Variants in GSG1L observed in about 807,000 individuals in gnomAD.
GSG1L encodes the protein germ cell-specific gene 1-like protein.
A neutral mutation model predicts 42.1 loss-of-function variants in GSG1L; 24 were observed. That is an observed-to-expected ratio of 0.57 (90% CI 0.41 to 0.80). The LOEUF is 0.80. Ranked by LOEUF, GSG1L falls within the 30% of genes least tolerant of loss-of-function variation. GSG1L has a pLI of 0.00. For missense variants in GSG1L, 445 were observed against 472.2 expected (o/e 0.94, Z 0.53); for synonymous variants, 215 against 203.5 (o/e 1.06, Z -0.48).
At chr16:27,888,512 T>TCCG (rs2084076733) in intron 2 of GSG1L, among the ~76,000 whole-genome samples, 1 of 15,830 alleles carries the variant, frequency 6.3e-5, no homozygotes, top group African/African-American at 1.8e-4. Flanking sequence ...TCTTTCTTTC[T>TCCG]TTCTTTCTTT....
At chr16:28,001,368 C>A (rs1285616980) in intron 1 of GSG1L, among the ~76,000 whole-genome samples, 1 of 152,212 alleles carries the variant, frequency 6.6e-6, no homozygotes, top group East Asian at 1.9e-4. Context: ...CGTGTGCCCA[C>A]GTGGAAGTGT....
intron 6 of GSG1L, among the ~76,000 whole-genome samples, chr16:27,798,028 G>C (rs949711022): frequency 3.9e-5 from 6 of 152,116 alleles, no homozygotes; most frequent in Non-Finnish European, 5.9e-5. Flanking sequence ...GTGCTCCACA[G>C]GGGGAGGATG....
chr16:27,891,435 T>C (rs1262193325), intron 2 of GSG1L, among the ~76,000 whole-genome samples: 3 of 147,382 alleles, frequency 2.0e-5, no homozygotes, highest in Non-Finnish European at 4.4e-5. Context: ...TTTCTAGCCA[T>C]ACTGTGTAAC....
At chr16:28,018,108 C>T (rs1382808626) in intron 1 of GSG1L, among the ~76,000 whole-genome samples, 3 of 152,212 alleles carry the variant, frequency 2.0e-5, no homozygotes, top group East Asian at 1.9e-4. Context: ...AAATTCAAGC[C>T]TTTATCGGTA....
In GSG1L at chr16:27,884,106, C is replaced by T. The variant is rs1645367; in HGVS notation, c.550+380G>A. ...TTCTCTTTTACATCCCAGGGAAAGG[C>T]GGCACAGTCAGCCTATTCTGCACAA... On this transcript the variant is annotated intron_variant, in intron 3 of 6. Coordinates refer to ENST00000447459, the MANE Select transcript of GSG1L (RefSeq NM_001109763.2). This position sits in a 1 kb window ranked among gnomAD's most constrained non-coding sequence, Gnocchi z 4.4. Among the ~76,000 whole-genome samples, 58,676 of 152,036 alleles carry T rather than the reference C, an allele frequency of 0.39. 13,346 individuals are homozygous for T. The highest frequency in any genetic ancestry group is 0.5 in the East Asian group (2,598 of 5,160).
intron 2 of GSG1L, among the ~76,000 whole-genome samples, chr16:27,915,576 A>T (rs2084445014): frequency 6.6e-6 from 1 of 152,208 alleles, no homozygotes; most frequent in Non-Finnish European, 1.5e-5. Context: ...GGTGCTGTTC[A>T]AGGTGCTGGG....
intron 6 of GSG1L, among the ~76,000 whole-genome samples, chr16:27,795,755 C>T (rs1023460087): frequency 2.6e-5 from 4 of 152,054 alleles, no homozygotes; most frequent in African/African-American, 9.7e-5. Context: ...CAGGAGGTTC[C>T]CCAAAGGTGT....
At chr16:27,963,973 C>T (rs748260593) in intron 1 of GSG1L, among the ~76,000 whole-genome samples, 20 of 152,034 alleles carry the variant, frequency 1.3e-4, no homozygotes, top group Non-Finnish European at 2.5e-4. Flanking sequence ...AGAAAGAAAA[C>T]AAAAGTGGTG....
chr16:27,888,458 T>TC (rs1567505722), intron 2 of GSG1L, among the ~76,000 whole-genome samples: 5 of 45,536 alleles, frequency 1.1e-4, no homozygotes, highest in Non-Finnish European at 2.0e-4. Context: ...CTTTCTTTCT[T>TC]TCTTTCTCTC....
intron 1 of GSG1L, among the ~76,000 whole-genome samples, chr16:28,037,938 A>G (rs1485658631): frequency 6.6e-6 from 1 of 152,168 alleles, no homozygotes; most frequent in Non-Finnish European, 1.5e-5. Flanking sequence ...GTTGGATCCA[A>G]GGGCCCCAAT....
At chr16:27,907,634 A>T (rs1792169752) in intron 2 of GSG1L, among the ~76,000 whole-genome samples, 1 of 152,218 alleles carries the variant, frequency 6.6e-6, no homozygotes, top group Non-Finnish European at 1.5e-5. Context: ...TGCTCTGTCC[A>T]TTCCAGAAAG....
chr16:27,933,356 A>G (rs2084677380), intron 2 of GSG1L, among the ~76,000 whole-genome samples: 1 of 152,018 alleles, frequency 6.6e-6, no homozygotes, highest in Non-Finnish European at 1.5e-5. Context: ...TTCAATAAAT[A>G]TTTGTGAAGG....
Position 27,828,912 on chromosome 16 carries a change from G to C in GSG1L, c.707C>G (p.Thr236Ser), listed in dbSNP as rs553614382. ...SFTCCMAASV[T>S]TLNSYTKTVI... The stretch of plus-strand genomic sequence containing the variant: ...CGTCTTGGTGTAGGAGTTGAGCGTG[G>C]TGACAGAGGCTGCCATGCAGCAGGT... Residue 236 changes from threonine to serine, a missense_variant, in exon 5 of 7, where the codon ACC (threonine) becomes AGC (serine). Physicochemically the swap from Thr to Ser is moderately conservative, Grantham distance 58 (BLOSUM62 1). Around this residue, in one of 3 missense-constraint regions of GSG1L, gnomAD observed 149 missense variants for 223.3 expected, o/e 0.67. Coordinates refer to ENST00000447459, the MANE Select transcript of GSG1L (RefSeq NM_001109763.2). 1.9e-6 allele frequency: 3 copies of C among 1,614,232 alleles called. No individual in the cohort carries two copies. In the Admixed American group the frequency reaches 5.0e-5, roughly 27 times the overall value.
At position 28,059,968 on chromosome 16, in the gene GSG1L, G is replaced by C. The variant is rs1012746967; in HGVS notation, c.349+3108C>G. 2.6e-5 allele frequency among the ~76,000 whole-genome samples: 4 copies of C among 152,130 alleles called. No homozygotes were observed. The highest frequency in any genetic ancestry group is 5.9e-5 in the Non-Finnish European group (4 of 68,028). On this transcript the variant is annotated intron_variant, in intron 1 of 6. Transcript: ENST00000447459. The surrounding 1 kb of genome is among the most constrained non-coding windows in gnomAD (Gnocchi z 4.4). ...CCTGTGGCTGCCCGAGTGGGGAGAG[G>C]TTTTTCTGAGCCTAGAAAGGAATGG...
chr16:27,827,273 G>A (rs2083220717), intron 5 of GSG1L, among the ~76,000 whole-genome samples: 1 of 152,160 alleles, frequency 6.6e-6, no homozygotes, highest in Non-Finnish European at 1.5e-5. Flanking sequence ...GGAGCATAGG[G>A]ACCCCAGGCC....
At position 27,832,664 on chromosome 16, in the gene GSG1L, G is replaced by A. The variant is rs1439556972; in HGVS notation, c.663-3708C>T. 4.6e-5 allele frequency among the ~76,000 whole-genome samples: 7 copies of A among 152,130 alleles called. No homozygotes were observed. The East Asian group carries it at 5.8e-4, about 13-fold the overall frequency. ...TTTTATTTTAGCTATTCTGATAAAC[G>A]CGTAATAATATCTCATTGTGGCTTT... On this transcript the variant is annotated intron_variant, in intron 4 of 6. Transcript: ENST00000447459.
At chr16:28,041,571 A>C (rs1391616086) in intron 1 of GSG1L, among the ~76,000 whole-genome samples, 5 of 152,234 alleles carry the variant, frequency 3.3e-5, no homozygotes, top group Non-Finnish European at 7.3e-5. Context: ...ATGAATGAAT[A>C]AGTGGACCAC....
chr16:27,846,138 G>T (rs1028995140), intron 3 of GSG1L, among the ~76,000 whole-genome samples: 5 of 152,056 alleles, frequency 3.3e-5, no homozygotes, highest in African/African-American at 1.2e-4. Flanking sequence ...TAATTACATG[G>T]GTGCACTTCC....
At chr16:27,962,781 C>G (rs988615428) in intron 2 of GSG1L, among the ~76,000 whole-genome samples, 12 of 152,274 alleles carry the variant, frequency 7.9e-5, no homozygotes, top group African/African-American at 2.6e-4. Flanking sequence ...AGGCCAGGCA[C>G]CTGGCTTCCC....
Sources: allele counts gnomAD v4.1 joint callset (sites outside exome capture counted in the v4.1 genomes callset), GRCh38; gene constraint gnomAD v4.1.1; regional missense constraint gnomAD v4.1.1; non-coding constraint Gnocchi (gnomAD v3.1); transcripts MANE v1.5; gene names NCBI Gene and HGNC (gene_info 2026-07-23, HGNC 2026-07-21).